The following TLN2 variants were observed in gnomAD, a reference collection of about 807,000 sequenced individuals.
TLN2 encodes the protein talin 2, also known as talin-2.
TLN2 carries 118 observed loss-of-function variants against 294.7 expected under a neutral mutation model. That is an observed-to-expected ratio of 0.40 (90% CI 0.34 to 0.47). TLN2 has a LOEUF of 0.47. Among genes scored for constraint, TLN2 ranks in the 20% least tolerant of loss-of-function variants. The pLI, the probability that TLN2 is intolerant of heterozygous loss-of-function variation, is 0.84. For missense variants in TLN2, 3,083 were observed against 3,282.2 expected (o/e 0.94, Z 1.48); for synonymous variants, 1,431 against 1,304.5 (o/e 1.10, Z -2.09).
At chr15:62,803,257 T>C (rs1475344698) in intron 50 of TLN2, among the ~76,000 whole-genome samples, 1 of 152,236 alleles carries the variant, frequency 6.6e-6, no homozygotes, top group Non-Finnish European at 1.5e-5. Flanking sequence ...TCCTTTCTTA[T>C]CCTTGACCTT....
rs182580239 is a variant in TLN2, at chr15:62,681,645, G to A, written c.958-4996G>A. On this transcript the variant is annotated intron_variant, in intron 11 of 58. Transcript: ENST00000636159. ...ATAGTAGAAACTTATATGACCTTAG[G>A]GAAAGTACCTAAACTCTCTAAATCT... is the stretch of plus-strand genomic sequence containing the variant. 2.3e-3 allele frequency among the ~76,000 whole-genome samples: 354 copies of A among 152,146 alleles called. 3 individuals are homozygous for A. Among genetic ancestry groups the A allele is most frequent in the African/African-American group, 8.2e-3 (342 of 41,502 alleles).
At chr15:62,629,071 C>T (rs981012366) in intron 3 of TLN2, among the ~76,000 whole-genome samples, 3 of 152,052 alleles carry the variant, frequency 2.0e-5, no homozygotes, top group African/African-American at 7.2e-5. Flanking sequence ...GTAGCACATA[C>T]CTGTAGTCCC....
At chr15:62,752,550 C>G (rs2061995012) in intron 35 of TLN2, 123 bp downstream of exon 35, 1 of 1,396,844 alleles carries the variant, frequency 7.2e-7, no homozygotes, top group Admixed American at 2.5e-5. Context: ...AAGGCAGTGG[C>G]TTCTGTGCTG....
intron 57 of TLN2, 142 bp downstream of exon 57, chr15:62,836,215 C>G (rs147549147): frequency 1.7e-6 from 2 of 1,169,864 alleles, no homozygotes; most frequent in African/African-American, 3.0e-5. Flanking sequence ...TCATCTACTG[C>G]GTGCGTCCAT....
chr15:62,839,096 G>C, intron 58 of TLN2, 115 bp downstream of exon 58: 1 of 1,383,286 alleles, frequency 7.2e-7, no homozygotes, highest in Non-Finnish European at 9.8e-7. Flanking sequence ...GTGTACCAGA[G>C]ATGGTGTGGT....
chr15:62,562,935 C>G (rs951372871), intron 1 of TLN2, among the ~76,000 whole-genome samples: 2 of 148,242 alleles, frequency 1.3e-5, no homozygotes, highest in South Asian at 4.3e-4. Flanking sequence ...CACACACACA[C>G]ACACACACAC....
intron 21 of TLN2, among the ~76,000 whole-genome samples, chr15:62,710,351 AT>A (rs2059345673): frequency 6.6e-6 from 1 of 152,174 alleles, no homozygotes; most frequent in Non-Finnish European, 1.5e-5. Context: ...TAAGAGATCT[AT>A]TTTTGTGCTT....
intron 1 of TLN2, among the ~76,000 whole-genome samples, chr15:62,471,820 C>G (rs1380128727): frequency 6.6e-6 from 1 of 152,114 alleles, no homozygotes; most frequent in African/African-American, 2.4e-5. Flanking sequence ...CAGTAGTCTT[C>G]CCAAAGGCTG....
intron 40 of TLN2, among the ~76,000 whole-genome samples, chr15:62,763,970 A>G (rs1160949265): frequency 6.6e-6 from 1 of 152,206 alleles, no homozygotes; most frequent in African/African-American, 2.4e-5. Flanking sequence ...ATCAATATCA[A>G]GGTAATTTAG....
At chr15:62,798,630 C>A (rs768120156) in intron 48 of TLN2, among the ~76,000 whole-genome samples, 3 of 152,166 alleles carry the variant, frequency 2.0e-5, no homozygotes, top group Admixed American at 6.5e-5. Flanking sequence ...ACTCCTTAAA[C>A]CATTCTCAGT....
At chr15:62,814,309 G>A (rs1053278243) in intron 52 of TLN2, among the ~76,000 whole-genome samples, 4 of 152,208 alleles carry the variant, frequency 2.6e-5, no homozygotes, top group Non-Finnish European at 4.4e-5. Context: ...GATTCATTAA[G>A]TCATTGTTTA....
In TLN2 at chr15:62,662,956, T is replaced by A. The variant is rs538008270; in HGVS notation, c.788+5058T>A. Reference sequence around the variant, plus strand: ...CTCCTGCCTCAGTCTCCCGAGTAACTGGGACTACAGGTGCCTGCCACCACG... The same window carrying A: ...CTCCTGCCTCAGTCTCCCGAGTAACAGGGACTACAGGTGCCTGCCACCACG... On this transcript the variant is annotated intron_variant, in intron 9 of 58. Transcript: ENST00000636159. Among the ~76,000 whole-genome samples, 19 of 150,892 alleles carry A rather than the reference T, an allele frequency of 1.3e-4. No individual in the cohort carries two copies. In the South Asian group the frequency reaches 4.0e-3, roughly 32 times the overall value.
Position 62,805,721 on chromosome 15 carries a change from A to T in TLN2, c.6599A>T (p.Glu2200Val). ...AVAAGNSCRQEDVIATANLSR... is the reference protein window; with the variant it reads ...AVAAGNSCRQVDVIATANLSR... ...GCAGCTGGGAACTCATGTAGACAGG[A>T]GGACGTGATTGCTACTGCCAACCTG... The change falls in exon 51 of 59, where the codon GAG becomes GTG. Residue 2200 changes from glutamate (E) to valine (V), a missense_variant. Coordinates refer to ENST00000636159, the MANE Select transcript of TLN2 (RefSeq NM_015059.3). 1 of 1,614,154 alleles carries T rather than the reference A, an allele frequency of 6.2e-7. No individual in the cohort carries two copies. The highest frequency in any genetic ancestry group is 8.5e-7 in the Non-Finnish European group (1 of 1,180,004).
intron 29 of TLN2, among the ~76,000 whole-genome samples, 157 bp downstream of exon 29, chr15:62,737,243 T>C (rs562803808): frequency 1.3e-5 from 2 of 152,360 alleles, no homozygotes; most frequent in South Asian, 2.1e-4. Flanking sequence ...CCATACATGA[T>C]ACTCACTTTT....
chr15:62,781,444 C>T (rs368597810), intron 44 of TLN2, among the ~76,000 whole-genome samples: 29 of 152,088 alleles, frequency 1.9e-4, no homozygotes, highest in African/African-American at 7.0e-4. Flanking sequence ...GTTCTTTTCT[C>T]ATGAAAAAGC....
At chr15:62,694,269 G>C (rs28615381) in intron 13 of TLN2, 47 bp from the exon 14 acceptor site, 75,151 of 1,586,716 alleles carry the variant, frequency 0.047, 3,880 homozygotes, top group African/African-American at 0.25. Context: ...GAGCCACCGC[G>C]CGTGGCCTGG....
chr15:62,763,920 G>A (rs1448720287), intron 40 of TLN2, among the ~76,000 whole-genome samples: 2 of 152,156 alleles, frequency 1.3e-5, no homozygotes, highest in African/African-American at 4.8e-5. Flanking sequence ...CAGGTACTGG[G>A]GTGGAAAGTT....
chr15:62,675,148 C>G, intron 10 of TLN2, 69 bp from the exon 11 acceptor site: 1 of 1,437,278 alleles, frequency 7.0e-7, no homozygotes, highest in South Asian at 1.2e-5. Context: ...CATACAGTAA[C>G]TACCTCTCTC....
chr15:62,805,001 A>AG (rs1271703326), intron 50 of TLN2, among the ~76,000 whole-genome samples: 1 of 152,182 alleles, frequency 6.6e-6, no homozygotes, highest in Non-Finnish European at 1.5e-5. Flanking sequence ...GCCTCTCTAA[A>AG]GGGGGTGGGT....
Sources: gnomAD v4.1 joint callset for allele counts (sites outside exome capture counted in the v4.1 genomes callset) on GRCh38, gnomAD v4.1.1 for gene constraint, MANE v1.5 for transcripts, NCBI Gene and HGNC (gene_info 2026-07-23, HGNC 2026-07-21) for gene names.